The following CLCN4 variants were observed in gnomAD, a reference collection of about 807,000 sequenced individuals.
CLCN4 encodes H(+)/Cl(-) exchange transporter 4.
Under a neutral mutation model 41.7 loss-of-function variants are expected in CLCN4, and 1 was observed. The ratio of observed to expected loss-of-function variants is 0.02; its 90% CI spans 0.01 to 0.11. CLCN4 has a LOEUF of 0.11. CLCN4 is among the 10% of genes least tolerant of loss of function. The pLI, the probability that CLCN4 is intolerant of heterozygous loss-of-function variation, is 1.00. For synonymous variants in CLCN4, 277 were observed against 285.8 expected, an observed-to-expected ratio of 0.97 and a Z score of 0.31; for missense variants, 287 against 661.0, an observed-to-expected ratio of 0.43 and a Z score of 6.20.
At chrX:10,194,574 A>C (rs1488869428) in intron 4 of CLCN4, among the ~76,000 whole-genome samples, 1 of 111,836 alleles carries the variant, frequency 8.9e-6, no homozygotes, top group East Asian at 2.8e-4. Flanking sequence ...GAAGCCATTG[A>C]GAGAGTTCTG....
intron 2 of CLCN4, among the ~76,000 whole-genome samples, chrX:10,171,811 C>T (rs910970697): frequency 8.9e-6 from 1 of 111,939 alleles, no homozygotes. Context: ...CATGCCTACT[C>T]CTGCCCATGG....
intron 2 of CLCN4, among the ~76,000 whole-genome samples, chrX:10,168,840 T>A (rs897024917): frequency 3.6e-5 from 4 of 110,143 alleles, no homozygotes; most frequent in Non-Finnish European, 7.6e-5. Flanking sequence ...TTTATAGGGA[T>A]GGAATCTCGG....
chrX:10,178,075 T>C (rs1438995977), intron 2 of CLCN4, among the ~76,000 whole-genome samples: 3 of 110,739 alleles, frequency 2.7e-5, no homozygotes, highest in Non-Finnish European at 5.7e-5. Context: ...ATTCCACTTA[T>C]ACGAAATGTC....
At chrX:10,226,725 C>A (rs1310174301) in intron 12 of CLCN4, among the ~76,000 whole-genome samples, 1 of 111,610 alleles carries the variant, frequency 9.0e-6, no homozygotes, top group African/African-American at 3.3e-5. Context: ...GATATCATCA[C>A]TGACCCCACA....
chrX:10,188,169 T>C (rs1296598263), intron 4 of CLCN4, among the ~76,000 whole-genome samples: 1 of 112,816 alleles, frequency 8.9e-6, no homozygotes, highest in Non-Finnish European at 1.9e-5. Flanking sequence ...TCCTCCTGCC[T>C]CAGCCAAAGT....
intron 6 of CLCN4, among the ~76,000 whole-genome samples, chrX:10,201,479 G>T (rs757039568): frequency 7.2e-5 from 8 of 110,908 alleles, no homozygotes; most frequent in Admixed American, 4.8e-4. Flanking sequence ...TGGAGGAGAG[G>T]GTCAGAGTAA....
chrX:10,206,643 C>T (rs970170307), intron 7 of CLCN4, 53 bp from the exon 8 acceptor site: 11 of 1,187,738 alleles, frequency 9.3e-6, no homozygotes, highest in Middle Eastern at 2.3e-4. Flanking sequence ...CAGGTTTGCA[C>T]GTTTGTTTTC....
chrX:10,212,939 C>G (rs1429266368), intron 10 of CLCN4, among the ~76,000 whole-genome samples: 1 of 111,543 alleles, frequency 9.0e-6, no homozygotes, highest in Non-Finnish European at 1.9e-5. Context: ...GTTGAAAATG[C>G]ATTGAATACA....
intron 4 of CLCN4, among the ~76,000 whole-genome samples, chrX:10,189,865 A>G (rs1411892713): frequency 8.9e-6 from 1 of 112,479 alleles, no homozygotes; most frequent in African/African-American, 3.2e-5. Flanking sequence ...TCAGCAAGGA[A>G]GATTGGGTGT....
At chrX:10,219,781 C>CT (rs1158135204) in intron 11 of CLCN4, among the ~76,000 whole-genome samples, 7 of 112,419 alleles carry the variant, frequency 6.2e-5, no homozygotes, top group African/African-American at 2.3e-4. Flanking sequence ...TTTCCCTAAC[C>CT]TTTTCCCATG....
intron 11 of CLCN4, 141 bp downstream of exon 11, chrX:10,214,220 G>C: frequency 1.6e-6 from 1 of 636,937 alleles, no homozygotes; most frequent in South Asian, 4.1e-5. Context: ...GTCACCCAGG[G>C]GTCTGGCTCA....
At chrX:10,200,968 TGTG>T (rs1924223416) in intron 6 of CLCN4, among the ~76,000 whole-genome samples, 10 of 112,260 alleles carry the variant, frequency 8.9e-5, no homozygotes, top group Non-Finnish European at 1.3e-4. Context: ...GGATTACAGG[TGTG>T]AGCCACTGTA....
intron 10 of CLCN4, 106 bp downstream of exon 10, chrX:10,212,759 G>C: frequency 1.3e-6 from 1 of 767,654 alleles, no homozygotes; most frequent in Non-Finnish European, 1.9e-6. Flanking sequence ...CTCAGGATAG[G>C]CTGGGTTGTG....
At chrX:10,199,066 G>GA (rs1001589034) in intron 6 of CLCN4, among the ~76,000 whole-genome samples, 9 of 112,389 alleles carry the variant, frequency 8.0e-5, no homozygotes, top group African/African-American at 2.9e-4. Context: ...AGGAAAGATA[G>GA]AAAAAAGAAG....
intron 11 of CLCN4, among the ~76,000 whole-genome samples, chrX:10,216,897 G>GTGTATATATA (rs1411470927): frequency 4.8e-5 from 1 of 20,829 alleles, no homozygotes; most frequent in African/African-American, 1.6e-4. Flanking sequence ...GTGTGTGTGT[G>GTGTATATATA]TATATATATA....
intron 6 of CLCN4, among the ~76,000 whole-genome samples, chrX:10,199,147 T>G (rs930319223): frequency 8.9e-6 from 1 of 112,724 alleles, no homozygotes; most frequent in African/African-American, 3.2e-5. Context: ...AAAAATAAGC[T>G]GTATTACCAA....
chrX:10,234,352 G>C lies in CLCN4; in HGVS notation c.*768G>C, dbSNP rs1329300724. ...ATACAAAGGGACACATCCTTATTTTGAGGGTATACTCACCCGATCATTGAT... is the reference window on the plus strand; with the variant it reads ...ATACAAAGGGACACATCCTTATTTTCAGGGTATACTCACCCGATCATTGAT... On this transcript the variant is annotated 3_prime_UTR_variant, in exon 13 of 13. Transcript: ENST00000380833. 8.9e-6 allele frequency: 1 copy of C among 112,808 alleles called. No individual in the cohort carries two copies. Among genetic ancestry groups the C allele is most frequent in the African/African-American group, 3.2e-5 (1 of 31,010 alleles). The allele number at this position is 112,808 out of a possible 1,213,427, so 9.3% of individuals were successfully genotyped here.
intron 12 of CLCN4, among the ~76,000 whole-genome samples, chrX:10,230,026 C>T (rs1373302369): frequency 1.8e-5 from 2 of 112,708 alleles, no homozygotes; most frequent in African/African-American, 6.5e-5. Flanking sequence ...GTACTCTTTT[C>T]ATACACCTGT....
At chrX:10,163,657 C>G (rs181021556) in intron 2 of CLCN4, among the ~76,000 whole-genome samples, 1 of 111,912 alleles carries the variant, frequency 8.9e-6, no homozygotes, top group African/African-American at 3.3e-5. Context: ...GTGCCCGCCT[C>G]GGCCTCCCAA....
Sources: gnomAD v4.1 joint callset for allele counts (sites outside exome capture counted in the v4.1 genomes callset) on GRCh38, gnomAD v4.1.1 for gene constraint, MANE v1.5 for transcripts, NCBI Gene and HGNC (gene_info 2026-07-23, HGNC 2026-07-21) for gene names.